SCN10A: variants seen among roughly 807,000 people sequenced by gnomAD.
The protein encoded by SCN10A is sodium channel protein type 10 subunit alpha.
A neutral mutation model predicts 170.7 loss-of-function variants in SCN10A; 162 were observed. The observed-to-expected ratio is 0.95, with a 90% CI of 0.84 to 1.08. The LOEUF (loss-of-function observed/expected upper bound fraction) is 1.08, where lower values mean the gene tolerates loss of function less well. SCN10A is among the 50% of genes least tolerant of loss of function. The probability of loss-of-function intolerance (pLI) is 0.00; values close to 1 mark genes in which losing one functional copy is unlikely to be tolerated. For missense variants in SCN10A, 2,527 were observed against 2,436.9 expected, an observed-to-expected ratio of 1.04 and a Z score of -0.78; for synonymous variants, 985 against 904.6, an observed-to-expected ratio of 1.09 and a Z score of -1.59.
At chr3:38,750,364 G>A (rs1001143262) in intron 12 of SCN10A, among the ~76,000 whole-genome samples, 180 bp from the exon 13 acceptor site, 7 of 152,150 alleles carry the variant, frequency 4.6e-5, no homozygotes, top group Non-Finnish European at 1.0e-4. Flanking sequence ...ATCCTACATT[G>A]TATTTACACA....
intron 27 of SCN10A, among the ~76,000 whole-genome samples, chr3:38,699,771 C>A (rs2063137802): frequency 6.6e-6 from 1 of 152,050 alleles, no homozygotes; most frequent in African/African-American, 2.4e-5. Flanking sequence ...TTAATTTGCT[C>A]CAGGATCTTA....
At chr3:38,749,972 A>C in intron 13 of SCN10A, 101 bp downstream of exon 13, 1 of 620,826 alleles carries the variant, frequency 1.6e-6, no homozygotes, top group Non-Finnish European at 2.9e-6. Flanking sequence ...TCCAGTACAC[A>C]GAGATGGACG....
chr3:38,743,237 T>G (rs1575988734), intron 13 of SCN10A, among the ~76,000 whole-genome samples: 1 of 149,980 alleles, frequency 6.7e-6, no homozygotes, highest in African/African-American at 2.5e-5. Flanking sequence ...CTCTGGCATA[T>G]CTGCAAGTCC....
intron 1 of SCN10A, among the ~76,000 whole-genome samples, chr3:38,809,649 T>C (rs1480903843): frequency 2.0e-5 from 3 of 152,140 alleles, no homozygotes; most frequent in Non-Finnish European, 4.4e-5. Flanking sequence ...TGTTCAGTCT[T>C]TGGGCATCTT....
intron 1 of SCN10A, among the ~76,000 whole-genome samples, chr3:38,801,295 A>G (rs763469363): frequency 1.3e-5 from 2 of 152,220 alleles, no homozygotes; most frequent in Non-Finnish European, 2.9e-5. Context: ...CTCATTATGT[A>G]CAGTGAGTTT....
At chr3:38,712,912 G>A (rs764437535) in intron 22 of SCN10A, among the ~76,000 whole-genome samples, 1 of 152,164 alleles carries the variant, frequency 6.6e-6, no homozygotes, top group African/African-American at 2.4e-5. Flanking sequence ...GAATCTATTA[G>A]ATACAAAATA....
At position 38,726,938 on chromosome 3, in the gene SCN10A, C is replaced by T. The variant is rs2063463308; in HGVS notation, c.2755G>A (p.Val919Ile). ...GCCTGTTTGGTACGATGGCCAAAGA[C>T]CTGGATCCGTGCCAGGGCCACCTGC... ...NLQVALARIQ[V>I]FGHRTKQALC... is the part of the protein sequence containing the mutation. The change falls in exon 17 of 28, where the codon GTC becomes ATC. Residue 919 changes from valine to isoleucine, a missense_variant. Physicochemically the swap from Val to Ile is conservative, Grantham distance 29. Transcript: ENST00000449082. 1 of 1,614,238 alleles carries T rather than the reference C, an allele frequency of 6.2e-7. No homozygotes were observed.
intron 15 of SCN10A, among the ~76,000 whole-genome samples, chr3:38,738,759 A>C (rs114675199): frequency 0.027 from 4,137 of 152,158 alleles, 184 homozygotes; most frequent in African/African-American, 0.094. Context: ...TAGTGACCCG[A>C]CACTCCTGGG....
chr3:38,698,070 T>C lies in SCN10A; in HGVS notation c.5150A>G (p.Tyr1717Cys). Residue 1717 changes from tyrosine to cysteine, a missense_variant, in exon 28 of 28, where the codon TAC becomes TGC. By Grantham distance (194) the Tyr-to-Cys change is radical. Transcript: ENST00000449082. Reference protein sequence around the residue: ...IISFLIMVNMYIAVILENFNV... With the variant: ...IISFLIMVNMCIAVILENFNV... ...GAAGTTCTCCAGAATCACTGCAATGTACATGTTGACCATGATGAGGAAGGA... is the reference window on the plus strand; with the variant it reads ...GAAGTTCTCCAGAATCACTGCAATGCACATGTTGACCATGATGAGGAAGGA... The C allele has an allele frequency of 6.2e-7, 1 of 1,614,140 alleles. No homozygotes were observed. Among genetic ancestry groups the C allele is most frequent in the Non-Finnish European group, 8.5e-7 (1 of 1,180,030 alleles).
At chr3:38,751,543 A>G (rs931123285) in intron 12 of SCN10A, among the ~76,000 whole-genome samples, 6 of 152,196 alleles carry the variant, frequency 3.9e-5, no homozygotes, top group Non-Finnish European at 5.9e-5. Flanking sequence ...ATTGCGCTGT[A>G]TCCCTGGCTA....
chr3:38,699,953 C>T (rs1192320462), intron 27 of SCN10A, among the ~76,000 whole-genome samples: 2 of 152,170 alleles, frequency 1.3e-5, no homozygotes, highest in African/African-American at 2.4e-5. Context: ...GATGGTGCTA[C>T]CCTGTAAGCC....
At chr3:38,773,352 T>C (rs1438921867) in intron 4 of SCN10A, among the ~76,000 whole-genome samples, 1 of 151,990 alleles carries the variant, frequency 6.6e-6, no homozygotes, top group East Asian at 1.9e-4. Context: ...AAGAAACATA[T>C]ATGCGATCCA....
chr3:38,728,575 A>C lies in SCN10A; in HGVS notation c.2607T>G (p.Leu869=). ...EVGQKSICLI[L]FLTVMVLGNL... ...TCCCTAGCACCATCACCGTCAAGAAAAGGATGAGGCATATGGATTTTTGGC... is the reference window on the plus strand; with the variant it reads ...TCCCTAGCACCATCACCGTCAAGAACAGGATGAGGCATATGGATTTTTGGC... The change falls in exon 16 of 28, where the codon CTT becomes CTG. Residue 869 remains leucine, a synonymous_variant. Transcript: ENST00000449082. The C allele has an allele frequency of 1.9e-6, 3 of 1,602,928 alleles. No homozygotes were observed. Among genetic ancestry groups the C allele is most frequent in the Non-Finnish European group, 2.6e-6 (3 of 1,171,882 alleles).
chr3:38,763,697 A>G (rs991434195), intron 5 of SCN10A, 101 bp from the exon 6 acceptor site: 5 of 819,722 alleles, frequency 6.1e-6, no homozygotes, highest in Admixed American at 5.7e-5. Context: ...CCTAGAAAGG[A>G]TGCAGAATGG....
chr3:38,751,542 T>C (rs984805728), intron 12 of SCN10A, among the ~76,000 whole-genome samples: 2 of 152,202 alleles, frequency 1.3e-5, no homozygotes, highest in Non-Finnish European at 2.9e-5. Flanking sequence ...AATTGCGCTG[T>C]ATCCCTGGCT....
chr3:38,761,035 C>T (rs779676546), intron 7 of SCN10A, among the ~76,000 whole-genome samples, 157 bp downstream of exon 7: 2 of 152,060 alleles, frequency 1.3e-5, no homozygotes, highest in South Asian at 2.1e-4. Flanking sequence ...AAATAGAATA[C>T]CCAAAAGTAA....
At chr3:38,704,110 T>C (rs2063184854) in intron 26 of SCN10A, among the ~76,000 whole-genome samples, 1 of 152,204 alleles carries the variant, frequency 6.6e-6, no homozygotes, top group Non-Finnish European at 1.5e-5. Context: ...GAAGAACCTG[T>C]CTGATCCCTT....
At chr3:38,814,136 A>G (rs904152591) in intron 1 of SCN10A, among the ~76,000 whole-genome samples, 1 of 152,194 alleles carries the variant, frequency 6.6e-6, no homozygotes, top group African/African-American at 2.4e-5. Flanking sequence ...GGAAGGCACT[A>G]TGCCTTGTGA....
At chr3:38,780,942 C>G (rs1329177101) in intron 4 of SCN10A, among the ~76,000 whole-genome samples, 1 of 151,994 alleles carries the variant, frequency 6.6e-6, no homozygotes, top group Non-Finnish European at 1.5e-5. Flanking sequence ...GAGCAATCAT[C>G]GAAGTTGATC....
Sources: gnomAD v4.1 joint callset for allele counts (sites outside exome capture counted in the v4.1 genomes callset) on GRCh38, gnomAD v4.1.1 for gene constraint, MANE v1.5 for transcripts, NCBI Gene and HGNC (gene_info 2026-07-23, HGNC 2026-07-21) for gene names.